TRIO: variants seen among roughly 807,000 people sequenced by gnomAD.
TRIO encodes the protein triple functional domain protein.
TRIO carries 58 observed loss-of-function variants against 351.9 expected under a neutral mutation model. The ratio of observed to expected loss-of-function variants is 0.16; its 90% confidence interval spans 0.13 to 0.21. The LOEUF (loss-of-function observed/expected upper bound fraction) is 0.21. Among genes scored for constraint, TRIO ranks in the 10% least tolerant of loss-of-function variants. The pLI, the probability that TRIO is intolerant of heterozygous loss-of-function variation, is 1.00. For synonymous variants in TRIO, 1,758 were observed against 1,595.7 expected, an observed-to-expected ratio of 1.10 and a Z score of -2.42; for missense variants, 3,201 against 4,027.8, an observed-to-expected ratio of 0.79 and a Z score of 5.56.
chr5:14,389,251 G>T, intron 24 of TRIO, 38 bp from the exon 25 acceptor site: 1 of 1,486,978 alleles, frequency 6.7e-7, no homozygotes, highest in Non-Finnish European at 9.2e-7. Flanking sequence ...AAAATATGGT[G>T]ATTATTTTTG....
At position 14,189,721 on chromosome 5, in the gene TRIO, G is replaced by C. The variant is rs1285407596; in HGVS notation, c.157+45839G>C. On this transcript the variant is annotated intron_variant, in intron 1 of 56. Coordinates refer to ENST00000344204, the MANE Select transcript of TRIO (RefSeq NM_007118.4). ...AGGAGCTGCTGTTCTGAATGTCTTC[G>C]TTTTAACTTTTTTTTTTTTTTCAAG... Among the ~76,000 whole-genome samples the C allele has an allele frequency of 2.0e-5, 3 of 150,158 alleles. No homozygotes were observed. In the South Asian group the frequency reaches 6.3e-4, roughly 32 times the overall value.
chr5:14,398,169 A>G (rs1294561221), intron 29 of TRIO, among the ~76,000 whole-genome samples: 1 of 151,186 alleles, frequency 6.6e-6, no homozygotes, highest in African/African-American at 2.4e-5. Context: ...GAGAGTAAAA[A>G]GAGAGTGGAA....
rs1333962542 is a variant in TRIO at position 14,372,730 on chromosome 5, A to T, written c.3217-1499A>T. Among the ~76,000 whole-genome samples, 14 of 152,250 alleles carry T rather than the reference A, an allele frequency of 9.2e-5. 1 individual carries two copies. The highest frequency in any genetic ancestry group is 2.6e-4 in the African/African-American group (11 of 41,548). On this transcript the variant is annotated intron_variant, in intron 18 of 56. Transcript: ENST00000344204. ...ATTTAAATATATTTGGTGTGTTTCA[A>T]AGCAGTCACTGTCATTTATCTTTTA... is the stretch of plus-strand genomic sequence containing the variant.
At chr5:14,289,711 G>A (rs559165219) in intron 4 of TRIO, among the ~76,000 whole-genome samples, 2 of 152,154 alleles carry the variant, frequency 1.3e-5, no homozygotes, top group East Asian at 3.9e-4. Flanking sequence ...TTAGCCTGGT[G>A]TGGTGGTGGG....
chr5:14,321,475 T>C (rs1739878318), intron 9 of TRIO, among the ~76,000 whole-genome samples: 1 of 152,246 alleles, frequency 6.6e-6, no homozygotes, highest in African/African-American at 2.4e-5. Flanking sequence ...CTCATCTTGG[T>C]GCTTTGTGGG....
intron 48 of TRIO, chr5:14,489,008 C>A (rs577956323): frequency 1.3e-6 from 1 of 765,132 alleles, no homozygotes; most frequent in African/African-American, 1.7e-5. Flanking sequence ...TCCTCACTGT[C>A]CTACCCACCT....
chr5:14,388,718 T>A, intron 24 of TRIO, 39 bp downstream of exon 24: 1 of 1,582,042 alleles, frequency 6.3e-7, no homozygotes, highest in Non-Finnish European at 8.6e-7. Flanking sequence ...CTTGTTTATT[T>A]AGATTGAGCA....
intron 16 of TRIO, among the ~76,000 whole-genome samples, chr5:14,368,479 G>T (rs1744794606): frequency 6.6e-6 from 1 of 152,122 alleles, no homozygotes; most frequent in Non-Finnish European, 1.5e-5. Context: ...GGGAGGTCCT[G>T]ATCAATTTCA....
At chr5:14,276,171 T>C (rs962282296) in intron 2 of TRIO, among the ~76,000 whole-genome samples, 9 of 152,154 alleles carry the variant, frequency 5.9e-5, no homozygotes, top group Non-Finnish European at 1.3e-4. Flanking sequence ...CCTTAGTTCT[T>C]CATGGTCTAG....
Position 14,469,262 on chromosome 5 carries a change from G to A in TRIO, c.5764-2056G>A, listed in dbSNP as rs140278353. On this transcript the variant is annotated intron_variant, in intron 37 of 56. Transcript: ENST00000344204. ...ACCAAAAATTTATTCTTTAAATATA[G>A]GCATTAGGTAACCATGTCAAGAAAA... Among the ~76,000 whole-genome samples, 197 of 152,096 alleles carry A rather than the reference G, an allele frequency of 1.3e-3. 1 individual carries two copies. The highest frequency in any genetic ancestry group is 1.7e-3 in the Non-Finnish European group (113 of 67,980).
chr5:14,368,336 T>C (rs1744780749), intron 16 of TRIO, among the ~76,000 whole-genome samples: 1 of 152,224 alleles, frequency 6.6e-6, no homozygotes, highest in Non-Finnish European at 1.5e-5. Context: ...TGCTTGTTCA[T>C]TTGCTTCCAG....
intron 11 of TRIO, among the ~76,000 whole-genome samples, chr5:14,353,881 C>T (rs758206857): frequency 2.6e-5 from 4 of 152,184 alleles, no homozygotes; most frequent in African/African-American, 7.2e-5. Flanking sequence ...TTCTCTTCAC[C>T]GGAGTGTAAA....
intron 28 of TRIO, 44 bp from the exon 29 acceptor site, chr5:14,396,999 G>A: frequency 6.5e-7 from 1 of 1,527,214 alleles, no homozygotes; most frequent in South Asian, 1.2e-5. Context: ...TATTGGCAGA[G>A]CATTCTGCAG....
At chr5:14,385,325 G>A (rs56227025) in intron 21 of TRIO, among the ~76,000 whole-genome samples, 4,284 of 152,284 alleles carry the variant, frequency 0.028, 193 homozygotes, top group African/African-American at 0.099. Flanking sequence ...CGTGGTAGAC[G>A]GAATTTGGAA....
chr5:14,285,977 A>T (rs982586127), intron 3 of TRIO, among the ~76,000 whole-genome samples: 6 of 152,186 alleles, frequency 3.9e-5, no homozygotes, highest in Non-Finnish European at 7.3e-5. Context: ...TATTTTTTTA[A>T]CCTGTGTTTA....
chr5:14,391,450 A>G (rs1042578387), intron 27 of TRIO, among the ~76,000 whole-genome samples: 4 of 152,252 alleles, frequency 2.6e-5, no homozygotes, highest in Non-Finnish European at 4.4e-5. Flanking sequence ...ACAACCTACC[A>G]GTAAAGTTTT....
intron 11 of TRIO, among the ~76,000 whole-genome samples, chr5:14,338,139 C>T (rs528134791): frequency 6.6e-6 from 1 of 152,332 alleles, no homozygotes; most frequent in African/African-American, 2.4e-5. Context: ...GAGCTTGTCT[C>T]TTGCTGCCCT....
At position 14,498,620 on chromosome 5, in the gene TRIO, C is replaced by T. The variant is rs1757062013; in HGVS notation, c.8312C>T (p.Ser2771Leu). 7 of 1,613,860 alleles carry T rather than the reference C, an allele frequency of 4.3e-6. No individual in the cohort carries two copies. The highest frequency in any genetic ancestry group is 2.7e-5 in the African/African-American group (2 of 74,934). The stretch of plus-strand genomic sequence containing the variant: ...AATGACATGGGTTCAGCCTCATCGT[C>T]GGCCAGCCTGAGGGTCCTAGGTAAG... ...AVNDMGSASS[S>L]ASLRVLGPGM... The change falls in exon 53 of 57, where the codon TCG becomes TTG. Residue 2771 changes from serine (S) to leucine (L), a missense_variant. Physicochemically the swap from Ser to Leu is moderately radical, Grantham distance 145. Coordinates refer to ENST00000344204, the MANE Select transcript of TRIO (RefSeq NM_007118.4).
chr5:14,346,521 C>T lies in TRIO; in HGVS notation c.2046+9794C>T, dbSNP rs1023229959. ...GTGGGCTGATGCCAGAAGCTGAAAA[C>T]GCACTTGTGCTTTTTAAAGAAGGTG... On this transcript the variant is annotated intron_variant, in intron 11 of 56. Transcript: ENST00000344204. Among the ~76,000 whole-genome samples the T allele has an allele frequency of 2.6e-5, 4 of 152,242 alleles. No homozygotes were observed. In the East Asian group the frequency reaches 5.8e-4, roughly 22 times the overall value.
Sources: allele counts gnomAD v4.1 joint callset (sites outside exome capture counted in the v4.1 genomes callset), GRCh38; gene constraint gnomAD v4.1.1; transcripts MANE v1.5; gene names NCBI Gene and HGNC (gene_info 2026-07-23, HGNC 2026-07-21).